The following MFN1 variants were observed in gnomAD, a reference collection of about 807,000 sequenced individuals.
MFN1 encodes mitofusin-1.
MFN1 carries 65 observed loss-of-function variants against 92.4 expected under a neutral mutation model. That is an observed-to-expected ratio of 0.70 (90% confidence interval 0.58 to 0.86). MFN1 has a LOEUF of 0.86. Among genes scored for constraint, MFN1 ranks in the 40% least tolerant of loss-of-function variants. The pLI is 0.00. For synonymous variants in MFN1, 297 were observed against 300.9 expected (o/e 0.99, Z 0.13); for missense variants, 781 against 868.0 (o/e 0.90, Z 1.26).
At chr3:179,370,716 C>T (rs576074962) in intron 9 of MFN1, among the ~76,000 whole-genome samples, 61 of 152,156 alleles carry the variant, frequency 4.0e-4, no homozygotes, top group Non-Finnish European at 1.9e-4. Flanking sequence ...GGCCTGTGTT[C>T]GTCTTTAACA....
At chr3:179,360,470 A>G (rs1712531282) in intron 4 of MFN1, among the ~76,000 whole-genome samples, 1 of 151,962 alleles carries the variant, frequency 6.6e-6, no homozygotes, top group South Asian at 2.1e-4. Flanking sequence ...ATGAATAAAT[A>G]TTTTAACTTT....
At chr3:179,379,158 C>T (rs920360806) in intron 14 of MFN1, among the ~76,000 whole-genome samples, 4 of 152,000 alleles carry the variant, frequency 2.6e-5, no homozygotes, top group East Asian at 1.9e-4. Context: ...ATCTTTTCCA[C>T]GTATGCCCAA....
chr3:179,372,264 A>G (rs938569485), intron 9 of MFN1, among the ~76,000 whole-genome samples: 3 of 151,332 alleles, frequency 2.0e-5, no homozygotes, highest in African/African-American at 4.8e-5. Context: ...AAGTATATCA[A>G]AATAAGTTGG....
rs983094686 is a variant in MFN1 at position 179,390,266 on chromosome 3, A to T, written c.2147+128A>T. 13 of 812,514 alleles carry T rather than the reference A, an allele frequency of 1.6e-5. 1 individual carries two copies. The Middle Eastern group carries it at 1.2e-3, about 72-fold the overall frequency. The allele number at this position is 812,514 out of a possible 1,614,324, so 50.3% of individuals were successfully genotyped here. A position where few individuals can be genotyped will look rare whatever the true frequency, so the allele number is the denominator to read the frequency against. On this transcript the variant is annotated intron_variant, in intron 17 of 17. Coordinates refer to ENST00000471841, the MANE Select transcript of MFN1 (RefSeq NM_033540.3). ...GTTGGTTTAAATGAAAATCTTCCAT[A>T]TTTAATTCCATGTGGTTTGCAGTTT...
At chr3:179,387,425 A>C (rs1346955188) in intron 16 of MFN1, among the ~76,000 whole-genome samples, 2 of 151,940 alleles carry the variant, frequency 1.3e-5, no homozygotes, top group African/African-American at 4.8e-5. Context: ...ACATGCCTGT[A>C]ATCTCAGCTA....
intron 14 of MFN1, among the ~76,000 whole-genome samples, chr3:179,381,307 A>G (rs1048369465): frequency 1.3e-5 from 2 of 152,206 alleles, no homozygotes; most frequent in African/African-American, 4.8e-5. Context: ...ATTCAGCACA[A>G]TGTCTTATTA....
chr3:179,348,377 T>A (rs545582831), intron 1 of MFN1, among the ~76,000 whole-genome samples: 77 of 152,366 alleles, frequency 5.1e-4, no homozygotes, highest in Non-Finnish European at 8.5e-4. Context: ...AATGCCCTCT[T>A]GAAGCCTTAC....
At position 179,367,955 on chromosome 3, in the gene MFN1, T is replaced by C. The variant is rs779716372; in HGVS notation, c.908-81T>C. ...AAAAGTATATATATATATATATATTTAAAATTATAAAATCAGTAGCCTACC... is the reference window on the plus strand; with the variant it reads ...AAAAGTATATATATATATATATATTCAAAATTATAAAATCAGTAGCCTACC... On this transcript the variant is annotated intron_variant, in intron 8 of 17. Coordinates refer to ENST00000471841, the MANE Select transcript of MFN1 (RefSeq NM_033540.3). 2.2e-5 allele frequency: 15 copies of C among 696,006 alleles called. 2 individuals are homozygous for C. Among genetic ancestry groups the C allele is most frequent in the Non-Finnish European group, 2.7e-5 (14 of 513,988 alleles). 43.1% of individuals were successfully genotyped at this position (696,006 alleles called of 1,614,324 possible). A position where few individuals can be genotyped will look rare whatever the true frequency, so the allele number is the denominator to read the frequency against.
At chr3:179,365,757 A>G (rs1233913945) in intron 7 of MFN1, among the ~76,000 whole-genome samples, 8 of 152,222 alleles carry the variant, frequency 5.3e-5, no homozygotes, top group Non-Finnish European at 5.9e-5. Context: ...TCAACTTTAT[A>G]TAACAGAATT....
chr3:179,371,732 G>A (rs945935034), intron 9 of MFN1, among the ~76,000 whole-genome samples: 2 of 152,062 alleles, frequency 1.3e-5, no homozygotes, highest in African/African-American at 4.8e-5. Context: ...TATTTAAAAT[G>A]TCAGTGGATT....
At position 179,389,990 on chromosome 3, in the gene MFN1, A is replaced by AT; in HGVS notation, c.2013-9dup. ...TGAAGACATTTATGACTGCTTCTAAATTTTTATTTTAAGACAAATAGCTAC... is the reference window on the plus strand; with the variant it reads ...TGAAGACATTTATGACTGCTTCTAAATTTTTTATTTTAAGACAAATAGCTAC... On this transcript the variant is annotated splice_polypyrimidine_tract_variant and intron_variant, in intron 16 of 17. Coordinates refer to ENST00000471841, the MANE Select transcript of MFN1 (RefSeq NM_033540.3). The AT allele has an allele frequency of 1.3e-6, 2 of 1,592,472 alleles. No individual in the cohort carries two copies. The highest frequency in any genetic ancestry group is 2.3e-5 in the South Asian group (2 of 85,698).
At chr3:179,375,964 G>T (rs116155438) in intron 10 of MFN1, among the ~76,000 whole-genome samples, 254 of 152,300 alleles carry the variant, frequency 1.7e-3, no homozygotes, top group African/African-American at 5.7e-3. Flanking sequence ...TTGAAACACA[G>T]ATCGGGATGT....
At chr3:179,386,808 T>C (rs961090127) in intron 16 of MFN1, among the ~76,000 whole-genome samples, 179 bp downstream of exon 16, 2 of 152,202 alleles carry the variant, frequency 1.3e-5, no homozygotes, top group Non-Finnish European at 2.9e-5. Flanking sequence ...CCTTTCTCCC[T>C]CCTAATCACT....
chr3:179,364,249 AT>A, intron 5 of MFN1, 47 bp from the exon 6 acceptor site: 2 of 1,336,590 alleles, frequency 1.5e-6, no homozygotes, highest in Non-Finnish European at 1.0e-6. Context: ...TGTAACCCAA[AT>A]TTTCTTTTTA....
intron 16 of MFN1, among the ~76,000 whole-genome samples, chr3:179,388,124 A>G (rs1278402698): frequency 6.6e-6 from 1 of 151,474 alleles, no homozygotes; most frequent in Non-Finnish European, 1.5e-5. Context: ...CCTGACCTCA[A>G]GTGATCCACC....
chr3:179,373,727 G>A lies in MFN1; in HGVS notation c.976-1493G>A, dbSNP rs571837510. On this transcript the variant is annotated intron_variant, in intron 9 of 17. Transcript: ENST00000471841. The stretch of plus-strand genomic sequence containing the variant: ...CTCGCTCTGTCGCCCAGGCTGGAGT[G>A]CAGTGGCGCTATCTCAGCTCACTGC... Among the ~76,000 whole-genome samples, 163 of 152,046 alleles carry A rather than the reference G, an allele frequency of 1.1e-3. 1 individual carries two copies. Among genetic ancestry groups the A allele is most frequent in the Non-Finnish European group, 2.0e-3 (134 of 67,958 alleles).
intron 9 of MFN1, among the ~76,000 whole-genome samples, chr3:179,372,077 A>C (rs1255184007): frequency 1.4e-5 from 2 of 145,358 alleles, no homozygotes; most frequent in Non-Finnish European, 3.0e-5. Flanking sequence ...ATATTATATA[A>C]TACATATATA....
chr3:179,374,357 CATATATATGTAATATATATATAACAT>C (rs1713145556), intron 9 of MFN1, among the ~76,000 whole-genome samples: 1 of 138,340 alleles, frequency 7.2e-6, no homozygotes, highest in African/African-American at 2.7e-5. Flanking sequence ...ACATATATAA[CATATATATGTAATATATATATAACAT>C]ATATAACATA....
intron 12 of MFN1, 90 bp from the exon 13 acceptor site, chr3:179,378,251 A>G: frequency 2.0e-6 from 2 of 975,726 alleles, no homozygotes; most frequent in South Asian, 1.5e-5. Flanking sequence ...TAAAAAGACC[A>G]TTTTGGCATT....
Sources: allele counts gnomAD v4.1 joint callset (sites outside exome capture counted in the v4.1 genomes callset), GRCh38; gene constraint gnomAD v4.1.1; transcripts MANE v1.5; gene names NCBI Gene and HGNC (gene_info 2026-07-23, HGNC 2026-07-21).